Variants in GLG1 observed in about 807,000 individuals in gnomAD.
GLG1 encodes Golgi apparatus protein 1.
Under a neutral mutation model 160.5 loss-of-function variants are expected in GLG1, and 38 were observed. The observed-to-expected ratio is 0.24, with a 90% CI of 0.18 to 0.31. The LOEUF (loss-of-function observed/expected upper bound fraction) is 0.31. Among genes scored for constraint, GLG1 ranks in the 10% least tolerant of loss-of-function variants. GLG1 has a pLI of 1.00. For missense variants in GLG1, 1,373 were observed against 1,505.2 expected (o/e 0.91, Z 1.45); for synonymous variants, 644 against 543.4 (o/e 1.19, Z -2.57).
intron 1 of GLG1, among the ~76,000 whole-genome samples, chr16:74,594,640 G>C (rs982216081): frequency 1.3e-5 from 2 of 152,158 alleles, no homozygotes; most frequent in African/African-American, 2.4e-5. Context: ...AGTTTTATCA[G>C]AGTATTGTTC....
intron 1 of GLG1, among the ~76,000 whole-genome samples, chr16:74,542,194 T>C (rs528785267): frequency 6.3e-4 from 91 of 143,918 alleles, no homozygotes; most frequent in African/African-American, 2.2e-3. Flanking sequence ...TACATGGGAG[T>C]TTTAGAATGC....
chr16:74,503,472 A>T, intron 4 of GLG1, 59 bp downstream of exon 4: 1 of 1,167,612 alleles, frequency 8.6e-7, no homozygotes, highest in Non-Finnish European at 1.3e-6. Context: ...AGTTATACAA[A>T]GCTTTTCATA....
intron 1 of GLG1, among the ~76,000 whole-genome samples, chr16:74,533,962 C>G (rs555719719): frequency 6.6e-6 from 1 of 152,218 alleles, no homozygotes; most frequent in East Asian, 1.9e-4. Context: ...TAGAACACAT[C>G]AAGTAGCCAC....
intron 1 of GLG1, among the ~76,000 whole-genome samples, chr16:74,598,083 A>G (rs1597385870): frequency 6.6e-6 from 1 of 152,182 alleles, no homozygotes; most frequent in Non-Finnish European, 1.5e-5. Context: ...ATAAGATTAA[A>G]TGAGATAACG....
chr16:74,465,308 G>C (rs2014959587), intron 19 of GLG1, among the ~76,000 whole-genome samples: 1 of 152,138 alleles, frequency 6.6e-6, no homozygotes, highest in Non-Finnish European at 1.5e-5. Context: ...ATTAGATGGT[G>C]ACTTTCTTAG....
In GLG1 at chr16:74,456,722, T is replaced by C. The variant is rs752137514; in HGVS notation, c.3299A>G (p.Lys1100Arg). ...MSCLMEALED[K>R]RVRLQPECKK... ...GCACTCGGGCTGTAACCTCACCCGC[T>C]TATCCTCCAGTGCTTCCATGAGACA... The change falls in exon 25 of 26, where the codon AAG becomes AGG. Residue 1100 changes from lysine (K) to arginine (R), a missense_variant. Physicochemically the swap from Lys to Arg is conservative, Grantham distance 26 (BLOSUM62 2). This residue lies in a region of GLG1 where 491 missense variants were observed against 632.1 expected (regional missense o/e 0.78). Coordinates refer to ENST00000422840, the MANE Select transcript of GLG1 (RefSeq NM_001145667.2). The C allele has an allele frequency of 1.2e-6, 2 of 1,611,568 alleles. No individual in the cohort carries two copies. Among genetic ancestry groups the C allele is most frequent in the African/African-American group, 1.3e-5 (1 of 74,944 alleles).
At chr16:74,526,151 T>C (rs908971833) in intron 2 of GLG1, among the ~76,000 whole-genome samples, 1 of 152,104 alleles carries the variant, frequency 6.6e-6, no homozygotes, top group African/African-American at 2.4e-5. Flanking sequence ...AAGTAAAATA[T>C]AACTTGTACA....
At chr16:74,458,110 G>C in intron 23 of GLG1, 116 bp from the exon 24 acceptor site, 1 of 999,322 alleles carries the variant, frequency 1.0e-6, no homozygotes. Flanking sequence ...GCTAACAACA[G>C]AGACCACTTT....
intron 1 of GLG1, among the ~76,000 whole-genome samples, chr16:74,586,434 G>A (rs1446635474): frequency 2.6e-5 from 4 of 152,058 alleles, no homozygotes; most frequent in African/African-American, 9.7e-5. Context: ...GACACACAAT[G>A]AAATTATATC....
chr16:74,555,594 G>C (rs1010552510), intron 1 of GLG1, among the ~76,000 whole-genome samples: 1 of 151,908 alleles, frequency 6.6e-6, no homozygotes, highest in Non-Finnish European at 1.5e-5. Flanking sequence ...GGAGGCTGGG[G>C]CAGGAGGATC....
intron 1 of GLG1, among the ~76,000 whole-genome samples, chr16:74,545,726 C>G (rs914441074): frequency 2.0e-5 from 3 of 152,196 alleles, no homozygotes; most frequent in Non-Finnish European, 4.4e-5. Flanking sequence ...TTCAACTGCT[C>G]AGATGCAGAC....
In GLG1 at chr16:74,502,320, C is replaced by T. The variant is rs2016434432; in HGVS notation, c.774+1211G>A. On this transcript the variant is annotated intron_variant, in intron 4 of 25. Transcript: ENST00000422840. ...ATCTCTATTGTGACCTTCTGTTCAG[C>T]AGACTAAGTCAAAAAATAAGATCAG... Among the ~76,000 whole-genome samples, 3 of 152,074 alleles carry T rather than the reference C, an allele frequency of 2.0e-5. No homozygotes were observed. In the South Asian group the frequency reaches 6.2e-4, roughly 31 times the overall value.
chr16:74,538,704 A>C (rs1020606601), intron 1 of GLG1, among the ~76,000 whole-genome samples: 5 of 149,064 alleles, frequency 3.4e-5, no homozygotes, highest in African/African-American at 1.2e-4. Context: ...GAGTTACTGT[A>C]CAGGTCCAAC....
chr16:74,483,637 T>C (rs1287025815), intron 9 of GLG1, among the ~76,000 whole-genome samples: 2 of 152,120 alleles, frequency 1.3e-5, no homozygotes, highest in Non-Finnish European at 2.9e-5. Flanking sequence ...CTGTTAGTTT[T>C]CAAATATTTT....
chr16:74,479,256 A>T (rs1597246448), intron 11 of GLG1, among the ~76,000 whole-genome samples: 1 of 135,324 alleles, frequency 7.4e-6, no homozygotes. Context: ...AAAAAAAAAA[A>T]GGTTAATTTT....
rs540686380 is a variant in GLG1, at chr16:74,605,661, G to A, written c.438+996C>T. 2.6e-5 allele frequency among the ~76,000 whole-genome samples: 4 copies of A among 152,140 alleles called. No homozygotes were observed. The South Asian group carries it at 6.2e-4, about 24-fold the overall frequency. ...AGAATACTAGAACACGAGATGAAGG[G>A]GGGAAATGCCAAGAGAAGCAAATTT... On this transcript the variant is annotated intron_variant, in intron 1 of 25. Coordinates refer to ENST00000422840, the MANE Select transcript of GLG1 (RefSeq NM_001145667.2).
chr16:74,493,234 AC>A (rs1417560784), intron 6 of GLG1, 94 bp from the exon 7 acceptor site: 6 of 739,448 alleles, frequency 8.1e-6, no homozygotes, highest in Non-Finnish European at 1.4e-5. Context: ...TCAGCCAAGT[AC>A]ATGTCAACAA....
At chr16:74,601,755 A>G (rs1958445238) in intron 1 of GLG1, among the ~76,000 whole-genome samples, 1 of 152,192 alleles carries the variant, frequency 6.6e-6, no homozygotes, top group South Asian at 2.1e-4. Flanking sequence ...GCACTGTTAC[A>G]ACTCAGTTGT....
At chr16:74,566,762 A>G (rs1483433278) in intron 1 of GLG1, among the ~76,000 whole-genome samples, 1 of 152,226 alleles carries the variant, frequency 6.6e-6, no homozygotes, top group African/African-American at 2.4e-5. Context: ...CCTAGAACTC[A>G]GAATGGAGAA....
Sources: allele counts gnomAD v4.1 joint callset (sites outside exome capture counted in the v4.1 genomes callset), GRCh38; gene constraint gnomAD v4.1.1; regional missense constraint gnomAD v4.1.1; transcripts MANE v1.5; gene names NCBI Gene and HGNC (gene_info 2026-07-23, HGNC 2026-07-21).